The following RHEB variants were observed in gnomAD, a reference collection of about 807,000 sequenced individuals.
RHEB encodes the protein GTP-binding protein Rheb.
Under a neutral mutation model 28.8 loss-of-function variants are expected in RHEB, and 2 were observed. That is an observed-to-expected ratio of 0.07 (90% CI 0.03 to 0.22). The LOEUF (loss-of-function observed/expected upper bound fraction) is 0.22, where lower values mean the gene tolerates loss of function less well. Among genes scored for constraint, RHEB ranks in the 10% least tolerant of loss-of-function variants. RHEB has a pLI of 1.00. For synonymous variants in RHEB, 69 were observed against 77.3 expected (o/e 0.89, Z 0.56); for missense variants, 76 against 219.9 (o/e 0.35, Z 4.14).
intron 3 of RHEB, among the ~76,000 whole-genome samples, chr7:151,479,192 G>C (rs1584850996): frequency 1.3e-5 from 2 of 152,222 alleles, no homozygotes; most frequent in Middle Eastern, 3.4e-3. Context: ...GATAATATTG[G>C]CATTTCAATC....
chr7:151,515,877 T>C (rs922646583), intron 1 of RHEB, among the ~76,000 whole-genome samples: 2 of 152,242 alleles, frequency 1.3e-5, no homozygotes, highest in African/African-American at 4.8e-5. Flanking sequence ...ATCTTTCACA[T>C]GCCTGTGATC....
intron 1 of RHEB, among the ~76,000 whole-genome samples, chr7:151,491,454 G>A (rs985175958): frequency 3.7e-4 from 57 of 152,214 alleles, no homozygotes; most frequent in African/African-American, 1.3e-3. Flanking sequence ...AGAGTAATCC[G>A]GCCAGGCACC....
At chr7:151,480,677 T>C (rs1308311299) in intron 3 of RHEB, among the ~76,000 whole-genome samples, 1 of 137,274 alleles carries the variant, frequency 7.3e-6, no homozygotes. Flanking sequence ...ATTTTAATTA[T>C]TATTAATTAT....
Position 151,468,446 on chromosome 7 carries a change from G to A in RHEB, c.463-1235C>T, listed in dbSNP as rs149178306. On this transcript the variant is annotated intron_variant, in intron 7 of 7. Transcript: ENST00000262187. The surrounding 1 kb of genome is among the most constrained non-coding windows in gnomAD (Gnocchi z 4.3). ...ACGCTGCCCAGGGAAAACACACACC[G>A]CTCACTGCTGACCTCACACCCATGA... is the stretch of plus-strand genomic sequence containing the variant. Among the ~76,000 whole-genome samples the A allele has an allele frequency of 6.6e-6, 1 of 152,242 alleles. No individual in the cohort carries two copies. The highest frequency in any genetic ancestry group is 1.5e-5 in the Non-Finnish European group (1 of 68,016).
At chr7:151,518,904 CTT>C (rs1803129570) in intron 1 of RHEB, 1 of 152,240 alleles carries the variant, frequency 6.6e-6, no homozygotes, top group South Asian at 2.1e-4. Context: ...ATGCAGAAAA[CTT>C]GCGTTCAGTG....
intron 3 of RHEB, among the ~76,000 whole-genome samples, chr7:151,482,577 C>T (rs1739872750): frequency 6.6e-6 from 1 of 152,192 alleles, no homozygotes; most frequent in African/African-American, 2.4e-5. Flanking sequence ...TATCAATTTA[C>T]ATTCTCATCA....
At chr7:151,493,294 T>G (rs1194481196) in intron 1 of RHEB, among the ~76,000 whole-genome samples, 1 of 152,186 alleles carries the variant, frequency 6.6e-6, no homozygotes, top group East Asian at 1.9e-4. Context: ...CCTTGGCCCC[T>G]TTACTCTAGC....
intron 1 of RHEB, chr7:151,503,351 C>T: frequency 1.1e-6 from 1 of 905,508 alleles, no homozygotes; most frequent in Non-Finnish European, 1.9e-6. Context: ...CAAGACGGGT[C>T]TCGGTTTGTG....
At position 151,466,801 on chromosome 7, in the gene RHEB, T is replaced by C. The variant is rs1202627558; in HGVS notation, c.*318A>G. 3.9e-6 allele frequency: 1 copy of C among 259,446 alleles called. No homozygotes were observed. The highest frequency in any genetic ancestry group is 7.4e-6 in the Non-Finnish European group (1 of 135,610). The allele number at this position is 259,446 out of a possible 1,614,324, so 16.1% of individuals were successfully genotyped here. On this transcript the variant is annotated 3_prime_UTR_variant, in exon 8 of 8. Coordinates refer to ENST00000262187, the MANE Select transcript of RHEB (RefSeq NM_005614.4). ...AGCCTAGTTAATAGTAGTGTAACAA[T>C]ATGCATCATTTTGATGATTACATTA...
At chr7:151,480,188 C>G (rs777635147) in intron 3 of RHEB, among the ~76,000 whole-genome samples, 58 of 152,214 alleles carry the variant, frequency 3.8e-4, no homozygotes, top group Non-Finnish European at 6.5e-4. Context: ...CATTATTACC[C>G]TATGTCTAAA....
intron 4 of RHEB, among the ~76,000 whole-genome samples, chr7:151,473,706 T>C (rs1010979226): frequency 6.6e-6 from 1 of 152,124 alleles, no homozygotes; most frequent in Non-Finnish European, 1.5e-5. Flanking sequence ...TACGAGCTAC[T>C]AGAAAAAAAA....
intron 1 of RHEB, among the ~76,000 whole-genome samples, chr7:151,495,625 A>G (rs1299487033): frequency 1.3e-5 from 2 of 152,156 alleles, no homozygotes; most frequent in Non-Finnish European, 2.9e-5. Context: ...TCAGATTAAT[A>G]TTGACTTTGT....
rs755096140 is a variant in RHEB at position 151,519,528 on chromosome 7, G to C, written c.-17C>G. 10 of 1,541,264 alleles carry C rather than the reference G, an allele frequency of 6.5e-6. No homozygotes were observed. The South Asian group carries it at 1.2e-4, about 18-fold the overall frequency. ...CTGCGGCATCTTGGCGGCCTCCTCA[G>C]CCCCGGCCCAACCACATCAACCGCG... is the stretch of plus-strand genomic sequence containing the variant. On this transcript the variant is annotated 5_prime_UTR_variant, in exon 1 of 8. Coordinates refer to ENST00000262187, the MANE Select transcript of RHEB (RefSeq NM_005614.4).
intron 1 of RHEB, among the ~76,000 whole-genome samples, chr7:151,503,799 G>A (rs1309739780): frequency 6.6e-6 from 1 of 151,666 alleles, no homozygotes; most frequent in African/African-American, 2.4e-5. Context: ...TTCATATACA[G>A]AAGTAAAAAT....
intron 1 of RHEB, chr7:151,498,235 A>G (rs1378813620): frequency 2.1e-6 from 2 of 968,582 alleles, no homozygotes; most frequent in East Asian, 6.1e-5. Context: ...CAATTAAGGA[A>G]GAGGAAGAGA....
At chr7:151,471,840 C>T (rs1008450793) in intron 4 of RHEB, 12 of 459,130 alleles carry the variant, frequency 2.6e-5, no homozygotes, top group Admixed American at 4.2e-5. Context: ...GGCATTCAAA[C>T]GGAAAGCCTA....
chr7:151,488,292 C>A (rs1183926520), intron 2 of RHEB, among the ~76,000 whole-genome samples: 1 of 152,208 alleles, frequency 6.6e-6, no homozygotes, highest in Non-Finnish European at 1.5e-5. Context: ...TACACCCCTA[C>A]TGTTAAAGAT....
In RHEB at chr7:151,477,326, G is replaced by A; in HGVS notation, c.275+7C>T. 6.6e-7 allele frequency: 1 copy of A among 1,520,790 alleles called. No individual in the cohort carries two copies. The highest frequency in any genetic ancestry group is 1.1e-5 in the South Asian group (1 of 88,510). The allele number at this position is 1,520,790 out of a possible 1,614,324, so 94.2% of individuals were successfully genotyped here. A position where few individuals can be genotyped will look rare whatever the true frequency, so the allele number is the denominator to read the frequency against. The stretch of plus-strand genomic sequence containing the variant: ...AAATCAACTCAAGCAGGCAGCAGGA[G>A]TCTTACCTTTTGATTGATGTAACAG... On this transcript the variant is annotated splice_region_variant and intron_variant, in intron 4 of 7. Transcript: ENST00000262187.
Position 151,467,219 on chromosome 7 carries a change from G to C in RHEB, c.463-8C>G. The C allele has an allele frequency of 6.2e-7, 1 of 1,602,414 alleles. No homozygotes were observed. The highest frequency in any genetic ancestry group is 1.1e-5 in the South Asian group (1 of 90,862). On this transcript the variant is annotated splice_region_variant and splice_polypyrimidine_tract_variant and intron_variant, in intron 7 of 7. Transcript: ENST00000262187. ...AAAAACATCCACAGCAGTCTGAAAA[G>C]AGAAAGAAACCCAATCACAGTGTTA...
Sources: gnomAD v4.1 joint callset for allele counts (sites outside exome capture counted in the v4.1 genomes callset) on GRCh38, gnomAD v4.1.1 for gene constraint, Gnocchi (gnomAD v3.1) non-coding constraint, MANE v1.5 for transcripts, NCBI Gene and HGNC (gene_info 2026-07-23, HGNC 2026-07-21) for gene names.